ZNF197: variants seen among roughly 807,000 people sequenced by gnomAD.
ZNF197 encodes zinc finger protein 197.
Under a neutral mutation model 27.4 loss-of-function variants are expected in ZNF197, and 14 were observed. The ratio of observed to expected loss-of-function variants is 0.51; its 90% CI spans 0.34 to 0.80. The LOEUF is 0.80. ZNF197 is among the 30% of genes least tolerant of loss of function. The pLI is 0.02. For missense variants in ZNF197, 1,090 were observed against 1,222.6 expected (o/e 0.89, Z 1.62); for synonymous variants, 415 against 420.0 (o/e 0.99, Z 0.15).
chr3:44,636,590 T>C (rs968179162), intron 5 of ZNF197, among the ~76,000 whole-genome samples: 8 of 152,238 alleles, frequency 5.3e-5, no homozygotes, highest in Admixed American at 2.0e-4. Context: ...AAATATTCCA[T>C]TGAATGGATG....
chr3:44,645,351 AG>A lies in ZNF197; in HGVS notation c.*1132del, dbSNP rs1702895558. The A allele has an allele frequency of 1.0e-6, 1 of 984,732 alleles. No homozygotes were observed. Among genetic ancestry groups the A allele is most frequent in the East Asian group, 1.1e-4 (1 of 8,828 alleles). The allele number at this position is 984,732 out of a possible 1,614,324, so 61.0% of individuals were successfully genotyped here. On this transcript the variant is annotated 3_prime_UTR_variant, in exon 6 of 6. Transcript: ENST00000344387. ...ATGAGGGGGATTCCAGGAACCTAAA[AG>A]ATACTCATTTTCATAAGAGGAAGTA...
rs768135161 is a variant in ZNF197, at chr3:44,642,142, G to C, written c.1012G>C (p.Glu338Gln). The change falls in exon 6 of 6, where the codon GAG becomes CAG. Residue 338 changes from glutamate (E) to glutamine (Q), a missense_variant. Glu to Gln is a conservative substitution (Grantham distance 29). Transcript: ENST00000344387. ...AGACAAGAAGAAAAGGACTCCACCA[G>C]AGAAACAAGGCCAAAAGTGGAAGGA... is the stretch of plus-strand genomic sequence containing the variant. ...ERDKKKRTPP[E>Q]KQGQKWKELG... is the part of the protein sequence containing the mutation. The C allele has an allele frequency of 1.1e-5, 17 of 1,613,980 alleles. No individual in the cohort carries two copies. In the East Asian group the frequency reaches 3.6e-4, roughly 34 times the overall value.
intron 5 of ZNF197, among the ~76,000 whole-genome samples, chr3:44,639,384 A>G (rs1282830483): frequency 6.6e-6 from 1 of 151,994 alleles, no homozygotes; most frequent in East Asian, 1.9e-4. Context: ...TTGTGAAGAA[A>G]TGGTATTCTT....
At chr3:44,628,847 G>A (rs892915757) in intron 1 of ZNF197, 2 of 215,726 alleles carry the variant, frequency 9.3e-6, no homozygotes, top group Non-Finnish European at 1.8e-5. Flanking sequence ...AAGACCAAAG[G>A]AAGTTCATGT....
At position 44,643,837 on chromosome 3, in the gene ZNF197, AAATGT is replaced by A; in HGVS notation, c.2712_2716del (p.Cys904Ter). ...AATCCATACTGGAGAGAAACCTTAT[AAATGT>A]AATGAGTGTGGAAAAGACTTTAGTC... On this transcript the variant is annotated frameshift_variant, in exon 6 of 6. Coordinates refer to ENST00000344387, the MANE Select transcript of ZNF197 (RefSeq NM_006991.5). LOFTEE classifies it low-confidence loss of function (END_TRUNC). 6.2e-7 allele frequency: 1 copy of A among 1,613,710 alleles called. No homozygotes were observed. The highest frequency in any genetic ancestry group is 8.5e-7 in the Non-Finnish European group (1 of 1,179,918).
rs756920650 is a variant in ZNF197, at chr3:44,629,450, G to A, written c.296G>A (p.Arg99Gln). Residue 99 changes from arginine to glutamine, a missense_variant, in exon 2 of 6, where the codon CGG (arginine) becomes CAG (glutamine). Coordinates refer to ENST00000344387, the MANE Select transcript of ZNF197 (RefSeq NM_006991.5). ...QFLSILPGEI[R>Q]TWVQLHHPGS... Reference sequence around the variant, plus strand: ...CTGAGCATCCTGCCTGGGGAGATTCGGACCTGGGTACAGCTCCATCACCCT... The same window carrying A: ...CTGAGCATCCTGCCTGGGGAGATTCAGACCTGGGTACAGCTCCATCACCCT... The A allele has an allele frequency of 1.5e-5, 25 of 1,613,894 alleles. No individual in the cohort carries two copies. The highest frequency in any genetic ancestry group is 3.3e-5 in the South Asian group (3 of 91,050).
chr3:44,633,762 A>G (rs1702131266), intron 5 of ZNF197, among the ~76,000 whole-genome samples: 1 of 152,170 alleles, frequency 6.6e-6, no homozygotes, highest in Non-Finnish European at 1.5e-5. Flanking sequence ...TTTTGTATGC[A>G]TCGGGCATGT....
Position 44,629,416 on chromosome 3 carries a change from G to A in ZNF197, c.262G>A (p.Glu88Lys). Residue 88 changes from glutamate (E) to lysine (K), a missense_variant, in exon 2 of 6, where the codon GAG becomes AAG. Physicochemically the swap from Glu to Lys is moderately conservative, Grantham distance 56. Coordinates refer to ENST00000344387, the MANE Select transcript of ZNF197 (RefSeq NM_006991.5). Reference sequence around the variant, plus strand: ...ACAGATCCTGGAGCTGCTGGTGCTGGAGCAGTTTCTGAGCATCCTGCCTGG... The same window carrying A: ...ACAGATCCTGGAGCTGCTGGTGCTGAAGCAGTTTCTGAGCATCCTGCCTGG... ...KAQILELLVL[E>K]QFLSILPGEI... 1 of 1,614,146 alleles carries A rather than the reference G, an allele frequency of 6.2e-7. No individual in the cohort carries two copies. The highest frequency in any genetic ancestry group is 8.5e-7 in the Non-Finnish European group (1 of 1,180,020).
chr3:44,646,163 C>G lies in ZNF197; in HGVS notation c.*1943C>G. 1.0e-6 allele frequency: 1 copy of G among 983,414 alleles called. No homozygotes were observed. Among genetic ancestry groups the G allele is most frequent in the Non-Finnish European group, 1.2e-6 (1 of 828,184 alleles). 60.9% of individuals were successfully genotyped at this position (983,414 alleles called of 1,614,324 possible). A position where few individuals can be genotyped will look rare whatever the true frequency, so the allele number is the denominator to read the frequency against. On this transcript the variant is annotated 3_prime_UTR_variant, in exon 6 of 6. Coordinates refer to ENST00000344387, the MANE Select transcript of ZNF197 (RefSeq NM_006991.5). ...GATGTGGTTCAGGTTTTGCCATCTGCCTCAGAAAAAATCTCTTCAGTTCTT... is the reference window on the plus strand; with the variant it reads ...GATGTGGTTCAGGTTTTGCCATCTGGCTCAGAAAAAATCTCTTCAGTTCTT...
chr3:44,631,063 T>C lies in ZNF197; in HGVS notation c.392T>C (p.Val131Ala), dbSNP rs749850997. The stretch of plus-strand genomic sequence containing the variant: ...CTAGCTTATTTTACTTGTTTCCAGG[T>C]TCCAGTCCTTGTCAAGGATCAGGAC... ...QKDLDGPAIQ[V>A]PVLVKDQDTL... Residue 131 changes from valine (V) to alanine (A), a missense_variant and splice_region_variant, in exon 3 of 6, where the codon GTT becomes GCT. Physicochemically the swap from Val to Ala is moderately conservative, Grantham distance 64. Coordinates refer to ENST00000344387, the MANE Select transcript of ZNF197 (RefSeq NM_006991.5). 10 of 1,614,012 alleles carry C rather than the reference T, an allele frequency of 6.2e-6. No homozygotes were observed. In the East Asian group the frequency reaches 2.0e-4, roughly 32 times the overall value.
At chr3:44,628,529 A>G (rs1701796745) in intron 1 of ZNF197, among the ~76,000 whole-genome samples, 2 of 152,236 alleles carry the variant, frequency 1.3e-5, no homozygotes, top group South Asian at 2.1e-4. Context: ...ATTTTCTCTC[A>G]TATGTATCAT....
At chr3:44,627,643 C>G (rs1298238385) in intron 1 of ZNF197, among the ~76,000 whole-genome samples, 4 of 151,860 alleles carry the variant, frequency 2.6e-5, no homozygotes, top group Non-Finnish European at 5.9e-5. Context: ...CCATCCTGGC[C>G]AACATTGCGA....
intron 5 of ZNF197, among the ~76,000 whole-genome samples, chr3:44,635,453 AG>A (rs1702231582): frequency 6.6e-6 from 1 of 152,188 alleles, no homozygotes; most frequent in African/African-American, 2.4e-5. Flanking sequence ...AAATTCCCTA[AG>A]GGTAAAGTAC....
Position 44,629,106 on chromosome 3 carries a change from A to G in ZNF197, c.-49A>G. 1 of 1,542,754 alleles carries G rather than the reference A, an allele frequency of 6.5e-7. No homozygotes were observed. Among genetic ancestry groups the G allele is most frequent in the Non-Finnish European group, 8.7e-7 (1 of 1,152,672 alleles). On this transcript the variant is annotated 5_prime_UTR_variant, in exon 2 of 6. Transcript: ENST00000344387. The stretch of plus-strand genomic sequence containing the variant: ...TCTCCAAGCTGTAAGGAAGAAGTCA[A>G]GGATTAAGGAGACCTGGACTGGAGA...
At chr3:44,635,644 A>T (rs982131264) in intron 5 of ZNF197, among the ~76,000 whole-genome samples, 4 of 152,206 alleles carry the variant, frequency 2.6e-5, no homozygotes, top group African/African-American at 9.7e-5. Flanking sequence ...AGGAGATTGG[A>T]CTAAAACTTG....
At position 44,646,178 on chromosome 3, in the gene ZNF197, C is replaced by G; in HGVS notation, c.*1958C>G. The stretch of plus-strand genomic sequence containing the variant: ...TTGCCATCTGCCTCAGAAAAAATCT[C>G]TTCAGTTCTTGGAGCCTTGAATTCC... On this transcript the variant is annotated 3_prime_UTR_variant, in exon 6 of 6. Coordinates refer to ENST00000344387, the MANE Select transcript of ZNF197 (RefSeq NM_006991.5). 1 of 982,124 alleles carries G rather than the reference C, an allele frequency of 1.0e-6. No individual in the cohort carries two copies. The highest frequency in any genetic ancestry group is 1.2e-6 in the Non-Finnish European group (1 of 827,016). The allele number at this position is 982,124 out of a possible 1,614,324, so 60.8% of individuals were successfully genotyped here. A position where few individuals can be genotyped will look rare whatever the true frequency, so the allele number is the denominator to read the frequency against.
In ZNF197 at chr3:44,642,948, G is replaced by A. The variant is rs1559474520; in HGVS notation, c.1818G>A (p.Lys606=). 3 of 1,613,924 alleles carry A rather than the reference G, an allele frequency of 1.9e-6. No homozygotes were observed. The highest frequency in any genetic ancestry group is 2.5e-6 in the Non-Finnish European group (3 of 1,179,958). ...CKKCGKIFSS[K]SNFIDHKRMH... is the part of the protein sequence containing the mutation. ...AGTGTGGGAAGATTTTCAGTTCTAAGTCAAACTTCATTGACCATAAGAGGA... is the reference window on the plus strand; with the variant it reads ...AGTGTGGGAAGATTTTCAGTTCTAAATCAAACTTCATTGACCATAAGAGGA... The change falls in exon 6 of 6, where the codon AAG becomes AAA. Residue 606 remains lysine, a synonymous_variant. Coordinates refer to ENST00000344387, the MANE Select transcript of ZNF197 (RefSeq NM_006991.5).
chr3:44,636,304 C>CA (rs1304837972), intron 5 of ZNF197, among the ~76,000 whole-genome samples: 1,071 of 76,932 alleles, frequency 0.014, 16 homozygotes, highest in South Asian at 0.045. Context: ...GACTCCGTCT[C>CA]AAAAAAAAAA....
chr3:44,630,047 T>C (rs1403002726), intron 2 of ZNF197, among the ~76,000 whole-genome samples: 3 of 151,974 alleles, frequency 2.0e-5, no homozygotes, highest in Admixed American at 2.0e-4. Context: ...GAAGACCCCA[T>C]CTCTACAAAA....
Sources: allele counts gnomAD v4.1 joint callset (sites outside exome capture counted in the v4.1 genomes callset), GRCh38; gene constraint gnomAD v4.1.1; transcripts MANE v1.5; gene names NCBI Gene and HGNC (gene_info 2026-07-23, HGNC 2026-07-21).